NFATC1: variants seen among roughly 807,000 people sequenced by gnomAD.
NFATC1 encodes the protein nuclear factor of activated T-cells, cytoplasmic 1.
NFATC1 carries 22 observed loss-of-function variants against 76.0 expected under a neutral mutation model. The observed-to-expected ratio is 0.29, with a 90% CI of 0.21 to 0.41. The LOEUF is 0.41. Among genes scored for constraint, NFATC1 ranks in the 10% least tolerant of loss-of-function variants. NFATC1 has a pLI of 1.00. For missense variants in NFATC1, 1,357 were observed against 1,337.7 expected (o/e 1.01, Z -0.23); for synonymous variants, 704 against 613.1 (o/e 1.15, Z -2.19).
At chr18:79,412,047 C>G (rs776727892) in intron 2 of NFATC1, among the ~76,000 whole-genome samples, 1 of 152,248 alleles carries the variant, frequency 6.6e-6, no homozygotes, top group African/African-American at 2.4e-5. Flanking sequence ...CAGTCCGCCA[C>G]GCTTTGGAAC....
intron 9 of NFATC1, among the ~76,000 whole-genome samples, chr18:79,513,412 C>A (rs1351698358): frequency 6.6e-6 from 1 of 152,232 alleles, no homozygotes; most frequent in Non-Finnish European, 1.5e-5. Flanking sequence ...GCCTCCCACC[C>A]ACCTTCCCAG....
Position 79,524,159 on chromosome 18 carries a change from A to C in NFATC1, c.2783-3369A>C. ...TGGGTCAGAAGTGCTCGTGGCGGGA[A>C]GGAGTTGGGGGGTGGGGGGGCGGTC... On this transcript the variant is annotated intron_variant, in intron 9 of 9. Transcript: ENST00000427363. This position sits in a 1 kb window ranked among gnomAD's most constrained non-coding sequence, Gnocchi z 7.2. The C allele has an allele frequency of 8.5e-6, 1 of 117,282 alleles. No homozygotes were observed. 7.3% of individuals were successfully genotyped at this position (117,282 alleles called of 1,614,324 possible). A position where few individuals can be genotyped will look rare whatever the true frequency, so the allele number is the denominator to read the frequency against.
At chr18:79,469,363 T>C in intron 8 of NFATC1, 1 of 985,480 alleles carries the variant, frequency 1.0e-6, no homozygotes, top group Non-Finnish European at 1.2e-6. Context: ...AGCACTGACT[T>C]TAGCACAGAT....
intron 8 of NFATC1, among the ~76,000 whole-genome samples, chr18:79,473,979 G>A (rs1257237083): frequency 7.5e-6 from 1 of 133,906 alleles, no homozygotes; most frequent in Non-Finnish European, 1.6e-5. Flanking sequence ...GCTCACTGTC[G>A]ACGTTGCGAG....
At chr18:79,449,027 G>A (rs769537459) in intron 4 of NFATC1, 43 bp downstream of exon 4, 53 of 1,594,816 alleles carry the variant, frequency 3.3e-5, no homozygotes, top group Non-Finnish European at 4.2e-5. Context: ...GGGGCGGTAG[G>A]AGGGGGCGTG....
At chr18:79,396,887 G>GGACC (rs2085024365) in intron 1 of NFATC1, among the ~76,000 whole-genome samples, 1 of 151,794 alleles carries the variant, frequency 6.6e-6, no homozygotes, top group African/African-American at 2.4e-5. Flanking sequence ...GCCGGCTCCT[G>GGACC]GACCTGCAGG....
chr18:79,504,746 G>A (rs1456409882), intron 9 of NFATC1, among the ~76,000 whole-genome samples: 1 of 152,282 alleles, frequency 6.6e-6, no homozygotes, highest in Non-Finnish European at 1.5e-5. Flanking sequence ...CACAAAAGGC[G>A]CAGCTCTGGA....
chr18:79,501,007 C>T (rs1027075710), intron 9 of NFATC1, among the ~76,000 whole-genome samples: 1 of 151,806 alleles, frequency 6.6e-6, no homozygotes, highest in African/African-American at 2.4e-5. Context: ...AGCCCTAATA[C>T]CAAAATCAAA....
At chr18:79,511,544 C>G (rs1196621344) in intron 9 of NFATC1, among the ~76,000 whole-genome samples, 1 of 152,160 alleles carries the variant, frequency 6.6e-6, no homozygotes, top group Non-Finnish European at 1.5e-5. Context: ...CAGTGGCGGC[C>G]GTGGAGGGAA....
At chr18:79,443,759 G>C (rs1468242738) in intron 3 of NFATC1, among the ~76,000 whole-genome samples, 2 of 152,216 alleles carry the variant, frequency 1.3e-5, no homozygotes, top group East Asian at 3.9e-4. Flanking sequence ...CCTAGCCCTG[G>C]GCGGGTGTCC....
chr18:79,401,365 T>TC (rs1280716143), intron 1 of NFATC1, among the ~76,000 whole-genome samples: 2 of 152,182 alleles, frequency 1.3e-5, no homozygotes, highest in African/African-American at 2.4e-5. Flanking sequence ...TTTTAAAAAC[T>TC]CCAACGTCTT....
intron 3 of NFATC1, among the ~76,000 whole-genome samples, chr18:79,438,597 G>A (rs1000214418): frequency 6.6e-5 from 10 of 152,260 alleles, no homozygotes; most frequent in African/African-American, 2.4e-4. Flanking sequence ...GCCTCGGCCC[G>A]TTCTGAAACA....
At chr18:79,396,637 G>A (rs951931885) in intron 1 of NFATC1, among the ~76,000 whole-genome samples, 3 of 152,206 alleles carry the variant, frequency 2.0e-5, no homozygotes, top group African/African-American at 7.2e-5. Context: ...GCGGCTCGCA[G>A]GCCGGCGATT....
chr18:79,409,376 A>G lies in NFATC1; in HGVS notation c.128-1027A>G, dbSNP rs570420932. 3.4e-4 allele frequency among the ~76,000 whole-genome samples: 51 copies of G among 150,564 alleles called. 1 individual carries two copies. In the South Asian group the frequency reaches 7.4e-3, roughly 22 times the overall value. ...TCCATCATCATTCATCCATCCATCC[A>G]TCATCCATCCATTATTCCTCCATTC... On this transcript the variant is annotated intron_variant, in intron 1 of 9. Coordinates refer to ENST00000427363, the MANE Select transcript of NFATC1 (RefSeq NM_001278669.2).
At chr18:79,450,072 G>A (rs62096889) in intron 4 of NFATC1, among the ~76,000 whole-genome samples, 4,391 of 152,298 alleles carry the variant, frequency 0.029, 86 homozygotes, top group South Asian at 0.052. Context: ...TCCTGGCTTC[G>A]CTGGCGGCTG....
chr18:79,410,127 T>G lies in NFATC1; in HGVS notation c.128-276T>G. The G allele has an allele frequency of 1.3e-6, 1 of 748,168 alleles. No individual in the cohort carries two copies. Among genetic ancestry groups the G allele is most frequent in the Non-Finnish European group, 2.4e-6 (1 of 408,208 alleles). 46.3% of individuals were successfully genotyped at this position (748,168 alleles called of 1,614,324 possible). On this transcript the variant is annotated intron_variant, in intron 1 of 9. Coordinates refer to ENST00000427363, the MANE Select transcript of NFATC1 (RefSeq NM_001278669.2). The surrounding 1 kb of genome is among the most constrained non-coding windows in gnomAD (Gnocchi z 6.7). ...CCGTGAGGACCCGGCCGCCTCTCCC[T>G]GGGAAGGACGTTCGGGGGCTTGTGC... is the stretch of plus-strand genomic sequence containing the variant.
intron 9 of NFATC1, among the ~76,000 whole-genome samples, chr18:79,491,255 G>C (rs2089669614): frequency 6.6e-6 from 1 of 152,046 alleles, no homozygotes; most frequent in East Asian, 2.0e-4. Flanking sequence ...CCTGGAGTTC[G>C]GGGGCGGAGA....
chr18:79,524,372 C>T lies in NFATC1; in HGVS notation c.2783-3156C>T, dbSNP rs1284909671. On this transcript the variant is annotated intron_variant, in intron 9 of 9. Coordinates refer to ENST00000427363, the MANE Select transcript of NFATC1 (RefSeq NM_001278669.2). The surrounding 1 kb of genome is among the most constrained non-coding windows in gnomAD (Gnocchi z 7.2). ...GGTGTGGATGGGTGGGCGGTACAGC[C>T]TCCTCTGCGGTTCGGTTGCTGTGCT... 2.6e-5 allele frequency among the ~76,000 whole-genome samples: 4 copies of T among 152,232 alleles called. No homozygotes were observed. Among genetic ancestry groups the T allele is most frequent in the Non-Finnish European group, 5.9e-5 (4 of 68,046 alleles).
At chr18:79,455,746 T>C (rs366154) in intron 6 of NFATC1, among the ~76,000 whole-genome samples, 51 of 148,346 alleles carry the variant, frequency 3.4e-4, no homozygotes, top group East Asian at 8.1e-4. Flanking sequence ...GCCCCCCATC[T>C]CACGGCCGCC....
Sources: gnomAD v4.1 joint callset for allele counts (sites outside exome capture counted in the v4.1 genomes callset) on GRCh38, gnomAD v4.1.1 for gene constraint, Gnocchi (gnomAD v3.1) non-coding constraint, MANE v1.5 for transcripts, NCBI Gene and HGNC (gene_info 2026-07-23, HGNC 2026-07-21) for gene names.